Variants in EP300 observed in about 807,000 individuals in gnomAD.
The protein encoded by EP300 is histone acetyltransferase p300.
EP300 carries 31 observed loss-of-function variants against 264.0 expected under a neutral mutation model. That is an observed-to-expected ratio of 0.12 (90% CI 0.09 to 0.16). EP300 has a LOEUF of 0.16. Among genes scored for constraint, EP300 ranks in the 10% least tolerant of loss-of-function variants. The probability of loss-of-function intolerance (pLI) is 1.00; values close to 1 mark genes in which losing one functional copy is unlikely to be tolerated. For synonymous variants in EP300, 1,340 were observed against 1,045.4 expected (o/e 1.28, Z -5.44); for missense variants, 2,766 against 3,052.9 (o/e 0.91, Z 2.21).
At chr22:41,128,840 C>A (rs1208303741) in intron 4 of EP300, among the ~76,000 whole-genome samples, 1 of 151,812 alleles carries the variant, frequency 6.6e-6, no homozygotes, top group African/African-American at 2.4e-5. Flanking sequence ...ATATTTATAC[C>A]CCAAAGCATT....
chr22:41,152,918 C>T (rs1477284822), intron 16 of EP300, among the ~76,000 whole-genome samples: 2 of 151,918 alleles, frequency 1.3e-5, no homozygotes, highest in African/African-American at 2.4e-5. Flanking sequence ...CCACCATGCC[C>T]GTCTAATTTT....
rs2145740670 is a variant in EP300 at position 41,152,231 on chromosome 22, A to G, written c.3023A>G (p.Glu1008Gly). The G allele has an allele frequency of 6.2e-7, 1 of 1,614,176 alleles. No individual in the cohort carries two copies. The highest frequency in any genetic ancestry group is 8.5e-7 in the Non-Finnish European group (1 of 1,180,002). Residue 1008 changes from glutamate (E) to glycine (G), a missense_variant, in exon 16 of 31, where the codon GAA becomes GGA. Transcript: ENST00000263253. ...SESKVEDCKM[E>G]STETEERSTE... ...TCTAAAGTGGAAGACTGTAAAATGG[A>G]ATCTACCGAAACAGAAGAGAGAAGC...
At chr22:41,158,867 C>T (rs1164710987) in intron 19 of EP300, 3 of 252,492 alleles carry the variant, frequency 1.2e-5, no homozygotes, top group African/African-American at 4.5e-5. Context: ...ACTCGCTAGA[C>T]AGCTTTTTGG....
chr22:41,176,649 G>A (rs2145514481), intron 30 of EP300, 121 bp downstream of exon 30: 2 of 1,607,786 alleles, frequency 1.2e-6, no homozygotes, highest in African/African-American at 2.7e-5. Flanking sequence ...TGTTTGAGGG[G>A]CAGAGCTGAA....
At chr22:41,139,645 A>G (rs1301150934) in intron 8 of EP300, among the ~76,000 whole-genome samples, 1 of 152,192 alleles carries the variant, frequency 6.6e-6, no homozygotes, top group African/African-American at 2.4e-5. Flanking sequence ...GAAAAACTGA[A>G]TCTAACAGAA....
intron 2 of EP300, among the ~76,000 whole-genome samples, chr22:41,121,159 C>G (rs1381080731): frequency 6.6e-6 from 1 of 151,554 alleles, no homozygotes; most frequent in Non-Finnish European, 1.5e-5. Context: ...TTTCTTTTTT[C>G]TTTTTTTTCA....
rs1342641358 is a variant in EP300 at position 41,158,382 on chromosome 22, G to C, written c.3502-30G>C. The C allele has an allele frequency of 1.9e-6, 3 of 1,604,644 alleles. No individual in the cohort carries two copies. In the Admixed American group the frequency reaches 5.0e-5, roughly 27 times the overall value. On this transcript the variant is annotated intron_variant, in intron 18 of 30. Transcript: ENST00000263253. ...GTTCTAGCTTGTCCTTAAGGCCTCTGTGCTTTTTAACAAATGGTTTCTTTT... is the reference window on the plus strand; with the variant it reads ...GTTCTAGCTTGTCCTTAAGGCCTCTCTGCTTTTTAACAAATGGTTTCTTTT...
Position 41,092,934 on chromosome 22 carries a change from G to A in EP300, c.-71G>A, listed in dbSNP as rs1161069975. ...AGCCCACCCCTGGGTGCGGCGCGGG[G>A]ACCCCGGGCCGAAGAAGAGATTTCC... On this transcript the variant is annotated 5_prime_UTR_variant, in exon 1 of 31. Coordinates refer to ENST00000263253, the MANE Select transcript of EP300 (RefSeq NM_001429.4). The A allele has an allele frequency of 9.5e-6, 15 of 1,576,610 alleles. No homozygotes were observed. The highest frequency in any genetic ancestry group is 1.3e-5 in the Non-Finnish European group (15 of 1,146,980).
In EP300 at chr22:41,128,252, C is replaced by G. The variant is rs139402317; in HGVS notation, c.1168+504C>G. Reference sequence around the variant, plus strand: ...GGCAGATCACTTGAGGTCAGGAGTTCAAGACCAGCCTGGGCAATATGGTGA... The same window carrying G: ...GGCAGATCACTTGAGGTCAGGAGTTGAAGACCAGCCTGGGCAATATGGTGA... On this transcript the variant is annotated intron_variant, in intron 4 of 30. Transcript: ENST00000263253. 1.7e-3 allele frequency among the ~76,000 whole-genome samples: 255 copies of G among 152,100 alleles called. 1 individual carries two copies. The highest frequency in any genetic ancestry group is 6.8e-3 in the Middle Eastern group (2 of 294).
At chr22:41,119,837 G>T (rs2058842570) in intron 2 of EP300, among the ~76,000 whole-genome samples, 1 of 152,122 alleles carries the variant, frequency 6.6e-6, no homozygotes, top group South Asian at 2.1e-4. Context: ...TTTATTTTGA[G>T]ACCGAGTCTT....
In EP300 at chr22:41,117,385, G is replaced by T. The variant is rs772759955; in HGVS notation, c.293G>T (p.Gly98Val). ...TCCCCTAACCTCAATATGGGAGTTG[G>T]TGGCCCAGGTCAAGTCATGGCCAGC... ...GSSPNLNMGV[G>V]GPGQVMASQA... The change falls in exon 2 of 31, where the codon GGT becomes GTT. Residue 98 changes from glycine (G) to valine (V), a missense_variant. Gly to Val is a moderately radical substitution (Grantham distance 109, BLOSUM62 -3). Coordinates refer to ENST00000263253, the MANE Select transcript of EP300 (RefSeq NM_001429.4). 1 of 1,614,182 alleles carries T rather than the reference G, an allele frequency of 6.2e-7. No individual in the cohort carries two copies. Among genetic ancestry groups the T allele is most frequent in the African/African-American group, 1.3e-5 (1 of 75,038 alleles).
chr22:41,097,846 C>T (rs2058710349), intron 1 of EP300, among the ~76,000 whole-genome samples: 1 of 151,988 alleles, frequency 6.6e-6, no homozygotes, highest in South Asian at 2.1e-4. Context: ...AGGCGCCTGC[C>T]ACCATGCCCA....
intron 25 of EP300, chr22:41,169,129 A>G (rs1601633392): frequency 1.7e-6 from 1 of 575,188 alleles, no homozygotes; most frequent in Non-Finnish European, 3.1e-6. Flanking sequence ...CAAACGTACT[A>G]CTCTTCAGAA....
chr22:41,169,043 T>A (rs993972703), intron 25 of EP300, 176 bp downstream of exon 25: 1 of 810,346 alleles, frequency 1.2e-6, no homozygotes, highest in African/African-American at 1.7e-5. Flanking sequence ...CCAAACAAAA[T>A]AACCGCTCAA....
At chr22:41,131,086 G>T (rs972368816) in intron 5 of EP300, among the ~76,000 whole-genome samples, 2 of 152,198 alleles carry the variant, frequency 1.3e-5, no homozygotes, top group South Asian at 2.1e-4. Context: ...AAATGATGCT[G>T]CCGGGTGTTG....
intron 23 of EP300, 137 bp from the exon 24 acceptor site, chr22:41,168,312 C>G (rs1000410818): frequency 6.2e-6 from 6 of 969,204 alleles, no homozygotes; most frequent in Non-Finnish European, 9.7e-6. Flanking sequence ...GTAGTGACTA[C>G]TTTGCTATGA....
chr22:41,172,673 T>C lies in EP300; in HGVS notation c.4617+10T>C, dbSNP rs1415742351. ...CAATGAAAGCACAGATGTAAGGGCA[T>C]TGAGTTTCCTTTGAAACTTCTATCA... On this transcript the variant is annotated intron_variant, in intron 28 of 30. Transcript: ENST00000263253. 10 of 1,610,334 alleles carry C rather than the reference T, an allele frequency of 6.2e-6. No homozygotes were observed. Among genetic ancestry groups the C allele is most frequent in the African/African-American group, 2.7e-5 (2 of 74,688 alleles).
In EP300 at chr22:41,129,892, G is replaced by A. The variant is rs2058907556; in HGVS notation, c.1171G>A (p.Ala391Thr). 2 of 1,612,128 alleles carry A rather than the reference G, an allele frequency of 1.2e-6. No individual in the cohort carries two copies. The highest frequency in any genetic ancestry group is 1.7e-6 in the Non-Finnish European group (2 of 1,178,452). The change falls in exon 5 of 31, where the codon GCA (alanine) becomes ACA (threonine). Residue 391 changes from alanine to threonine, a missense_variant and splice_region_variant. By Grantham distance (58) the Ala-to-Thr change is moderately conservative (BLOSUM62 0). Coordinates refer to ENST00000263253, the MANE Select transcript of EP300 (RefSeq NM_001429.4). ...HCQSGKSCQV[A>T]HCASSRQIIS... ...AAAATATGTTTTCTTCTCTTTAGTG[G>A]CACACTGTGCATCTTCTCGACAAAT...
intron 1 of EP300, among the ~76,000 whole-genome samples, chr22:41,097,635 C>T (rs1368849351): frequency 2.6e-5 from 4 of 152,082 alleles, no homozygotes; most frequent in Non-Finnish European, 4.4e-5. Flanking sequence ...TTCATATACC[C>T]AGCAATTAAT....
Sources: allele counts gnomAD v4.1 joint callset (sites outside exome capture counted in the v4.1 genomes callset), GRCh38; gene constraint gnomAD v4.1.1; transcripts MANE v1.5; gene names NCBI Gene and HGNC (gene_info 2026-07-23, HGNC 2026-07-21).